Variants in TPP2 observed in about 807,000 individuals in gnomAD.
The protein encoded by TPP2 is tripeptidyl peptidase 2, also known as tripeptidyl-peptidase 2.
In TPP2, 34 loss-of-function variants were observed where a neutral mutation model predicts 155.9. The observed-to-expected ratio is 0.22, with a 90% CI of 0.17 to 0.29. TPP2 has a LOEUF of 0.29. TPP2 is among the 10% of genes least tolerant of loss of function. TPP2 has a pLI of 1.00. For missense variants in TPP2, 1,028 were observed against 1,522.3 expected (o/e 0.68, Z 5.40); for synonymous variants, 510 against 529.4 (o/e 0.96, Z 0.50).
intron 25 of TPP2, among the ~76,000 whole-genome samples, chr13:102,662,871 T>C (rs1270267388): frequency 2.6e-5 from 4 of 152,150 alleles, no homozygotes; most frequent in Admixed American, 1.3e-4. Flanking sequence ...TCGGGGAACA[T>C]AGAATAACTC....
intron 14 of TPP2, 33 bp downstream of exon 14, chr13:102,637,272 C>A: frequency 6.4e-7 from 1 of 1,560,610 alleles, no homozygotes; most frequent in South Asian, 1.2e-5. Context: ...ACTTTCTTCA[C>A]TCTTTAAAAT....
chr13:102,638,862 G>A (rs749165380), intron 15 of TPP2, among the ~76,000 whole-genome samples: 9 of 152,166 alleles, frequency 5.9e-5, no homozygotes, highest in Non-Finnish European at 1.2e-4. Flanking sequence ...TCAAGTTCAA[G>A]CTCCTTAAAA....
intron 5 of TPP2, among the ~76,000 whole-genome samples, chr13:102,619,506 C>T (rs1881000031): frequency 6.6e-6 from 1 of 152,058 alleles, no homozygotes. Flanking sequence ...AGTCTGCGTC[C>T]CTGCTTATAC....
intron 11 of TPP2, among the ~76,000 whole-genome samples, chr13:102,634,489 A>G (rs1185895393): frequency 2.0e-5 from 3 of 152,212 alleles, no homozygotes; most frequent in Non-Finnish European, 4.4e-5. Flanking sequence ...TAGAAAGAGA[A>G]GGAGGGATTT....
In TPP2 at chr13:102,638,937, A is replaced by G. The variant is rs186326568; in HGVS notation, c.1913+622A>G. Among the ~76,000 whole-genome samples, 359 of 152,262 alleles carry G rather than the reference A, an allele frequency of 2.4e-3. 3 individuals carry two copies. Among genetic ancestry groups the G allele is most frequent in the African/African-American group, 8.0e-3 (332 of 41,550 alleles). On this transcript the variant is annotated intron_variant, in intron 15 of 29. Transcript: ENST00000376052. ...TGTTTCCTGTCATTCCGTACACCAA[A>G]TTACACATTTTGGCCAACTCACTGA... is the stretch of plus-strand genomic sequence containing the variant.
intron 24 of TPP2, among the ~76,000 whole-genome samples, chr13:102,652,774 G>A (rs1219839119): frequency 6.6e-6 from 1 of 152,072 alleles, no homozygotes; most frequent in East Asian, 1.9e-4. Flanking sequence ...TTGACCGTTT[G>A]GGGGCCACGT....
At chr13:102,623,738 T>A (rs1307449781) in intron 6 of TPP2, among the ~76,000 whole-genome samples, 1 of 152,180 alleles carries the variant, frequency 6.6e-6, no homozygotes, top group Non-Finnish European at 1.5e-5. Flanking sequence ...AAAAATATAT[T>A]TTTTAAACAA....
chr13:102,605,415 A>G (rs976552633), intron 2 of TPP2, among the ~76,000 whole-genome samples: 2 of 152,246 alleles, frequency 1.3e-5, no homozygotes, highest in African/African-American at 4.8e-5. Flanking sequence ...AAGTGAGTTA[A>G]TAAATCTAGC....
intron 21 of TPP2, among the ~76,000 whole-genome samples, chr13:102,648,429 C>CGTGTGT (rs56934655): frequency 0.052 from 7,738 of 147,934 alleles, 247 homozygotes; most frequent in African/African-American, 0.071. Flanking sequence ...ATAAGTTACA[C>CGTGTGT]GTGTGTGTGT....
At chr13:102,619,006 A>G (rs1189829210) in intron 5 of TPP2, among the ~76,000 whole-genome samples, 160 bp downstream of exon 5, 4 of 152,228 alleles carry the variant, frequency 2.6e-5, no homozygotes, top group African/African-American at 9.6e-5. Flanking sequence ...GTTTTGGACA[A>G]GCCCCTTGAA....
At chr13:102,664,641 G>C (rs891035833) in intron 26 of TPP2, among the ~76,000 whole-genome samples, 154 bp from the exon 27 acceptor site, 9 of 152,202 alleles carry the variant, frequency 5.9e-5, no homozygotes, top group African/African-American at 2.2e-4. Context: ...AAAAATCACA[G>C]TAGGAGATAG....
intron 2 of TPP2, among the ~76,000 whole-genome samples, chr13:102,607,198 T>G (rs1298144862): frequency 6.6e-6 from 1 of 152,216 alleles, no homozygotes; most frequent in Non-Finnish European, 1.5e-5. Context: ...TCATCCAGTT[T>G]ACGGTGCGGG....
At chr13:102,626,891 A>G in intron 6 of TPP2, 121 bp from the exon 7 acceptor site, 1 of 1,040,898 alleles carries the variant, frequency 9.6e-7, no homozygotes. Context: ...TTTGCTCTCC[A>G]TGAACAGGGT....
At chr13:102,665,006 GA>G (rs1884496403) in intron 27 of TPP2, 81 bp downstream of exon 27, 2 of 1,520,736 alleles carry the variant, frequency 1.3e-6, no homozygotes, top group Non-Finnish European at 1.8e-6. Context: ...TATTATAGAG[GA>G]TATTGCTTTT....
At chr13:102,632,255 T>C (rs1882066565) in intron 10 of TPP2, among the ~76,000 whole-genome samples, 1 of 152,000 alleles carries the variant, frequency 6.6e-6, no homozygotes, top group Admixed American at 6.6e-5. Flanking sequence ...TTTTTTTTTT[T>C]CTTTCCTGAA....
chr13:102,618,118 G>GC (rs1880885907), intron 4 of TPP2, among the ~76,000 whole-genome samples: 1 of 152,126 alleles, frequency 6.6e-6, no homozygotes, highest in Non-Finnish European at 1.5e-5. Flanking sequence ...GGTAACACCT[G>GC]CTAGTGCCAG....
Position 102,629,519 on chromosome 13 carries a change from C to A in TPP2, c.1054C>A (p.His352Asn). 1 of 1,529,382 alleles carries A rather than the reference C, an allele frequency of 6.5e-7. No homozygotes were observed. 94.7% of individuals were successfully genotyped at this position (1,529,382 alleles called of 1,614,324 possible). Residue 352 changes from histidine (H) to asparagine (N), a missense_variant, in exon 9 of 30, where the codon CAT (histidine) becomes AAT (asparagine). His to Asn is a moderately conservative substitution (Grantham distance 68, BLOSUM62 1). Coordinates refer to ENST00000376052, the MANE Select transcript of TPP2 (RefSeq NM_001330588.2). ...CEVINEAVWK[H>N]NIIYVSSAGN... ...AGTAATTAATGAAGCAGTATGGAAG[C>A]ATAATATAATTTATGTTTCAAGTGC...
rs562141480 is a variant in TPP2 at position 102,655,162 on chromosome 13, A to T, written c.2992-1894A>T. Among the ~76,000 whole-genome samples the T allele has an allele frequency of 7.2e-5, 11 of 152,250 alleles. No individual in the cohort carries two copies. The South Asian group carries it at 2.3e-3, about 32-fold the overall frequency. On this transcript the variant is annotated intron_variant, in intron 24 of 29. Coordinates refer to ENST00000376052, the MANE Select transcript of TPP2 (RefSeq NM_001330588.2). ...AGATAGGATTATTATTTTGTGTTGGAATACTATTAGAACTACAACCATAGT... is the reference window on the plus strand; with the variant it reads ...AGATAGGATTATTATTTTGTGTTGGTATACTATTAGAACTACAACCATAGT...
chr13:102,627,186 T>A lies in TPP2; in HGVS notation c.939+20T>A, dbSNP rs1881683991. ...AGAGCTGTGAGTGTTTGTGAGTTGT[T>A]GATTCAGAAGATTAATGATTAATGA... On this transcript the variant is annotated intron_variant, in intron 7 of 29. Transcript: ENST00000376052. 1.3e-6 allele frequency: 2 copies of A among 1,546,106 alleles called. No individual in the cohort carries two copies. The highest frequency in any genetic ancestry group is 4.7e-5 in the East Asian group (2 of 42,824).
Sources: allele counts gnomAD v4.1 joint callset (sites outside exome capture counted in the v4.1 genomes callset), GRCh38; gene constraint gnomAD v4.1.1; transcripts MANE v1.5; gene names NCBI Gene and HGNC (gene_info 2026-07-23, HGNC 2026-07-21).